The following GPR39 variants were observed in gnomAD, a reference collection of about 807,000 sequenced individuals.
GPR39 encodes the protein zinc sensing receptor.
A neutral mutation model predicts 18.4 loss-of-function variants in GPR39; 23 were observed. That is an observed-to-expected ratio of 1.25 (90% confidence interval 0.90 to 1.77). The LOEUF is 1.77. GPR39 is among the 40% of genes most tolerant of loss of function. GPR39 has a pLI of 0.00. For synonymous variants in GPR39, 280 were observed against 257.9 expected (o/e 1.09, Z -0.82); for missense variants, 647 against 602.4 (o/e 1.07, Z -0.78).
Position 132,645,918 on chromosome 2 carries a change from G to A in GPR39, c.*312G>A, listed in dbSNP as rs1175926297. 3.0e-4 allele frequency: 218 copies of A among 719,568 alleles called. 1 individual carries two copies. Among genetic ancestry groups the A allele is most frequent in the Non-Finnish European group, 3.6e-5 (16 of 446,386 alleles). The allele number at this position is 719,568 out of a possible 1,614,324, so 44.6% of individuals were successfully genotyped here. A position where few individuals can be genotyped will look rare whatever the true frequency, so the allele number is the denominator to read the frequency against. Reference sequence around the variant, plus strand: ...TTTCATTATTTGCACAGGAACAAAAGAGAACACGGACTCCCGCTCCCTACC... The same window carrying A: ...TTTCATTATTTGCACAGGAACAAAAAAGAACACGGACTCCCGCTCCCTACC... On this transcript the variant is annotated 3_prime_UTR_variant, in exon 2 of 2. Coordinates refer to ENST00000329321, the MANE Select transcript of GPR39 (RefSeq NM_001508.3).
intron 1 of GPR39, among the ~76,000 whole-genome samples, chr2:132,600,442 A>G (rs1383749037): frequency 6.6e-6 from 1 of 152,210 alleles, no homozygotes; most frequent in Non-Finnish European, 1.5e-5. Context: ...CAAACAATGA[A>G]TGAAACATTT....
intron 1 of GPR39, among the ~76,000 whole-genome samples, chr2:132,616,302 C>T (rs1012931333): frequency 2.6e-5 from 4 of 152,178 alleles, no homozygotes; most frequent in South Asian, 2.1e-4. Flanking sequence ...AGCCAGGATT[C>T]GACCCAGTCT....
chr2:132,425,769 T>A (rs1680108628), intron 1 of GPR39, among the ~76,000 whole-genome samples: 1 of 152,032 alleles, frequency 6.6e-6, no homozygotes, highest in African/African-American at 2.4e-5. Flanking sequence ...AGGGAGAAAT[T>A]CTCTGTTGCT....
rs116834663 is a variant in GPR39 at position 132,490,939 on chromosome 2, G to A, written c.856+73041G>A. 6.8e-3 allele frequency among the ~76,000 whole-genome samples: 1,029 copies of A among 152,270 alleles called. 14 individuals are homozygous for A. The highest frequency in any genetic ancestry group is 0.022 in the African/African-American group (912 of 41,548). On this transcript the variant is annotated intron_variant, in intron 1 of 1. Transcript: ENST00000329321. ...AAGGGGCTGCGAAGGCTCTGTGGAG[G>A]GCAAAGGCCACAAATACCAGGCCCG...
intron 1 of GPR39, among the ~76,000 whole-genome samples, chr2:132,602,296 C>G (rs529924150): frequency 5.3e-4 from 80 of 152,260 alleles, no homozygotes; most frequent in Non-Finnish European, 2.1e-4. Flanking sequence ...AAAGGACACT[C>G]TCTTCAATAA....
At chr2:132,444,898 GA>G (rs1277628728) in intron 1 of GPR39, among the ~76,000 whole-genome samples, 1 of 152,096 alleles carries the variant, frequency 6.6e-6, no homozygotes, top group Non-Finnish European at 1.5e-5. Flanking sequence ...CCTTATTAAA[GA>G]AAAGAAATTT....
At chr2:132,545,295 G>A (rs958691850) in intron 1 of GPR39, among the ~76,000 whole-genome samples, 9 of 152,198 alleles carry the variant, frequency 5.9e-5, no homozygotes, top group Admixed American at 3.3e-4. Flanking sequence ...TCACTTTCCA[G>A]AGAGGGTGAG....
intron 1 of GPR39, among the ~76,000 whole-genome samples, chr2:132,444,948 A>T (rs1680507746): frequency 1.3e-5 from 2 of 152,204 alleles, no homozygotes; most frequent in Admixed American, 1.3e-4. Flanking sequence ...CCAGTTTCCT[A>T]AGAGCCAGAT....
At chr2:132,489,536 A>G (rs1330490795) in intron 1 of GPR39, among the ~76,000 whole-genome samples, 1 of 152,004 alleles carries the variant, frequency 6.6e-6, no homozygotes, top group East Asian at 1.9e-4. Flanking sequence ...ATGAGCCTTT[A>G]GAGTACTCTG....
At chr2:132,499,814 T>TTTATTTA (rs1023939890) in intron 1 of GPR39, among the ~76,000 whole-genome samples, 2 of 152,122 alleles carry the variant, frequency 1.3e-5, no homozygotes, top group African/African-American at 4.8e-5. Flanking sequence ...AAGTATTGTA[T>TTTATTTA]TGTATTTATT....
At chr2:132,616,220 G>C (rs1242539729) in intron 1 of GPR39, among the ~76,000 whole-genome samples, 1 of 152,146 alleles carries the variant, frequency 6.6e-6, no homozygotes, top group Non-Finnish European at 1.5e-5. Flanking sequence ...AGGTTGGTTG[G>C]TATCTCAGTT....
chr2:132,531,327 G>A (rs184717387), intron 1 of GPR39, among the ~76,000 whole-genome samples: 157 of 152,200 alleles, frequency 1.0e-3, no homozygotes, highest in African/African-American at 3.1e-3. Context: ...ATATGCACCC[G>A]ATACAGGAGC....
At chr2:132,563,409 C>T (rs1252230014) in intron 1 of GPR39, among the ~76,000 whole-genome samples, 1 of 152,122 alleles carries the variant, frequency 6.6e-6, no homozygotes, top group Non-Finnish European at 1.5e-5. Flanking sequence ...ATAGTGAGAC[C>T]TCGTGTCTAC....
chr2:132,480,270 G>A (rs1681208897), intron 1 of GPR39, among the ~76,000 whole-genome samples: 1 of 152,080 alleles, frequency 6.6e-6, no homozygotes, highest in Non-Finnish European at 1.5e-5. Context: ...GGAGGAAATG[G>A]CAAATTGTTG....
intron 1 of GPR39, among the ~76,000 whole-genome samples, chr2:132,436,365 G>C (rs1680319065): frequency 6.6e-6 from 1 of 152,184 alleles, no homozygotes; most frequent in Non-Finnish European, 1.5e-5. Context: ...GACTTTCACT[G>C]TGAAGTAAAC....
chr2:132,580,579 C>T (rs997341927), intron 1 of GPR39, among the ~76,000 whole-genome samples: 1 of 149,264 alleles, frequency 6.7e-6, no homozygotes, highest in Admixed American at 6.6e-5. Flanking sequence ...GGAGAGGTTC[C>T]ACCATATCCC....
At chr2:132,419,695 AAC>A (rs1434708524) in intron 1 of GPR39, among the ~76,000 whole-genome samples, 6 of 152,320 alleles carry the variant, frequency 3.9e-5, no homozygotes, top group African/African-American at 1.2e-4. Context: ...GCATATCTTA[AAC>A]TGTAAGGTGT....
intron 1 of GPR39, among the ~76,000 whole-genome samples, chr2:132,614,347 CA>C (rs1167862031): frequency 1.3e-5 from 2 of 151,774 alleles, no homozygotes; most frequent in African/African-American, 4.8e-5. Context: ...GCTGGGACTA[CA>C]GGTGCATGCC....
chr2:132,541,507 T>C (rs1305418408), intron 1 of GPR39, among the ~76,000 whole-genome samples: 1 of 152,244 alleles, frequency 6.6e-6, no homozygotes, highest in Non-Finnish European at 1.5e-5. Context: ...CACAGTTTTC[T>C]GTCATCCATA....
Sources: allele counts gnomAD v4.1 joint callset (sites outside exome capture counted in the v4.1 genomes callset), GRCh38; gene constraint gnomAD v4.1.1; transcripts MANE v1.5; gene names NCBI Gene and HGNC (gene_info 2026-07-23, HGNC 2026-07-21).